UNC13A: variants seen among roughly 807,000 people sequenced by gnomAD.
UNC13A encodes protein unc-13 homolog A.
UNC13A carries 61 observed loss-of-function variants against 219.7 expected under a neutral mutation model. That is an observed-to-expected ratio of 0.28 (90% confidence interval 0.23 to 0.34). The LOEUF is 0.34. Among genes scored for constraint, UNC13A ranks in the 10% least tolerant of loss-of-function variants. The pLI is 1.00. For missense variants in UNC13A, 1,476 were observed against 2,270.3 expected (o/e 0.65, Z 7.11); for synonymous variants, 920 against 884.6 (o/e 1.04, Z -0.71).
chr19:17,672,932 C>T (rs772187123), intron 3 of UNC13A, among the ~76,000 whole-genome samples: 2 of 152,142 alleles, frequency 1.3e-5, no homozygotes, highest in East Asian at 1.9e-4. Context: ...TGTGAGGACA[C>T]GATCCCACCT....
chr19:17,625,961 A>C (rs770087700), intron 34 of UNC13A, among the ~76,000 whole-genome samples: 22 of 148,064 alleles, frequency 1.5e-4, no homozygotes, highest in Non-Finnish European at 2.1e-4. Context: ...AGCCAGCCAG[A>C]CAGACATCTA....
chr19:17,602,389 T>C lies in UNC13A; in HGVS notation c.*3665A>G, dbSNP rs1434116222. ...GTGTTTTCTACTCTATTCCTCTTGGTCAGGGGACTTTGACTCTGAGGCATC... is the reference window on the plus strand; with the variant it reads ...GTGTTTTCTACTCTATTCCTCTTGGCCAGGGGACTTTGACTCTGAGGCATC... On this transcript the variant is annotated 3_prime_UTR_variant, in exon 44 of 44. Transcript: ENST00000519716. 6.6e-6 allele frequency: 1 copy of C among 152,254 alleles called. No individual in the cohort carries two copies. The highest frequency in any genetic ancestry group is 1.5e-5 in the Non-Finnish European group (1 of 68,058). The allele number at this position is 152,254 out of a possible 1,614,324, so 9.4% of individuals were successfully genotyped here. A position where few individuals can be genotyped will look rare whatever the true frequency, so the allele number is the denominator to read the frequency against.
chr19:17,688,124 C>G, intron 1 of UNC13A, 54 bp downstream of exon 1: 1 of 1,518,956 alleles, frequency 6.6e-7, no homozygotes, highest in Non-Finnish European at 8.8e-7. Flanking sequence ...CACGCGGACC[C>G]CGACCCCAGC....
intron 2 of UNC13A, among the ~76,000 whole-genome samples, chr19:17,675,295 C>A (rs578098768): frequency 2.0e-5 from 3 of 151,822 alleles, no homozygotes; most frequent in South Asian, 2.1e-4. Context: ...GATTGCACCA[C>A]GGCACTCCAG....
Position 17,630,206 on chromosome 19 carries a change from AT to A in UNC13A, c.3607del (p.Ile1203SerfsTer16). Reference protein sequence around the residue: ...FSQLNQSFEIIKKLECPDPQI... With the variant: ...FSQLNQSFEIXKKLECPDPQI... The stretch of plus-strand genomic sequence containing the variant: ...AGGGTCGGGACACTCGAGTTTCTTG[AT>A]GATTTCAAAGCTCTGGTTGAGTTGG... On this transcript the variant is annotated frameshift_variant, in exon 30 of 44. Coordinates refer to ENST00000519716, the MANE Select transcript of UNC13A (RefSeq NM_001080421.3). LOFTEE classifies it high-confidence loss of function. 1 of 1,553,006 alleles carries A rather than the reference AT, an allele frequency of 6.4e-7. No homozygotes were observed. The highest frequency in any genetic ancestry group is 8.7e-7 in the Non-Finnish European group (1 of 1,147,654).
intron 2 of UNC13A, among the ~76,000 whole-genome samples, chr19:17,675,360 G>A (rs1031340651): frequency 2.0e-5 from 3 of 151,488 alleles, no homozygotes; most frequent in East Asian, 3.9e-4. Flanking sequence ...GGCAGGGCAC[G>A]GTAGCTCACG....
rs773900423 is a variant in UNC13A at position 17,672,370 on chromosome 19, C to T, written c.270+8G>A. The T allele has an allele frequency of 4.3e-6, 7 of 1,613,080 alleles. No individual in the cohort carries two copies. The highest frequency in any genetic ancestry group is 1.7e-4 in the Middle Eastern group (1 of 6,058). On this transcript the variant is annotated splice_region_variant and intron_variant, in intron 4 of 43. Transcript: ENST00000519716. Reference sequence around the variant, plus strand: ...TCCTTCTTCACCCTCAGGCCACCCGCCACTCACCTCATTGGACTGGCGGAT... The same window carrying T: ...TCCTTCTTCACCCTCAGGCCACCCGTCACTCACCTCATTGGACTGGCGGAT...
rs2145034656 is a variant in UNC13A, at chr19:17,639,016, A to G, written c.3081+67T>C. The G allele has an allele frequency of 2.0e-6, 3 of 1,488,374 alleles. No homozygotes were observed. In the East Asian group the frequency reaches 7.5e-5, roughly 37 times the overall value. 92.2% of individuals were successfully genotyped at this position (1,488,374 alleles called of 1,614,324 possible). A position where few individuals can be genotyped will look rare whatever the true frequency, so the allele number is the denominator to read the frequency against. On this transcript the variant is annotated intron_variant, in intron 25 of 43. Transcript: ENST00000519716. ...AGAGTTAAATCCCTCGGGAAGGGGC[A>G]GGGCTGGGACTGAAGCCTGTGTCTA...
At chr19:17,663,979 G>T (rs2079597874) in intron 7 of UNC13A, among the ~76,000 whole-genome samples, 2 of 136,410 alleles carry the variant, frequency 1.5e-5, no homozygotes, top group South Asian at 4.4e-4. Context: ...GGTTCTTGGT[G>T]GTTTTCTTTT....
chr19:17,666,881 CGAGA>C (rs10535025), intron 6 of UNC13A, among the ~76,000 whole-genome samples, 177 bp from the exon 7 acceptor site: 1,363 of 115,098 alleles, frequency 0.012, 24 homozygotes, highest in African/African-American at 0.045. Flanking sequence ...CACACACACA[CGAGA>C]GAGAGAGAGA....
At chr19:17,624,150 G>T (rs935849227) in intron 35 of UNC13A, among the ~76,000 whole-genome samples, 6 of 143,276 alleles carry the variant, frequency 4.2e-5, no homozygotes, top group Non-Finnish European at 7.6e-5. Flanking sequence ...TTTGAGAAAG[G>T]GTCTCGTTCT....
At position 17,649,124 on chromosome 19, in the gene UNC13A, CG is replaced by C; in HGVS notation, c.1525-142del. ...TTGGAAACAGGTCACCGACAGCATC[CG>C]GGCCAGACCCAACAAAGAATTAGGA... On this transcript the variant is annotated intron_variant, in intron 14 of 43. Coordinates refer to ENST00000519716, the MANE Select transcript of UNC13A (RefSeq NM_001080421.3). The surrounding 1 kb of genome is among the most constrained non-coding windows in gnomAD (Gnocchi z 4.4). 3 of 1,179,564 alleles carry C rather than the reference CG, an allele frequency of 2.5e-6. No homozygotes were observed. Among genetic ancestry groups the C allele is most frequent in the Non-Finnish European group, 3.6e-6 (3 of 834,832 alleles). 73.1% of individuals were successfully genotyped at this position (1,179,564 alleles called of 1,614,324 possible).
chr19:17,647,217 T>C, intron 17 of UNC13A, 48 bp downstream of exon 17: 1 of 1,513,190 alleles, frequency 6.6e-7, no homozygotes, highest in Non-Finnish European at 8.9e-7. Flanking sequence ...GAGACAGGTC[T>C]CAGAGGGTGG....
intron 12 of UNC13A, among the ~76,000 whole-genome samples, chr19:17,651,699 G>A (rs1161225008): frequency 6.6e-6 from 1 of 152,092 alleles, no homozygotes; most frequent in African/African-American, 2.4e-5. Flanking sequence ...TTTCTCCCGA[G>A]AGCACATCCT....
intron 28 of UNC13A, among the ~76,000 whole-genome samples, chr19:17,631,069 CTCCCTCCT>C (rs1286036076): frequency 3.9e-5 from 5 of 128,468 alleles, no homozygotes; most frequent in African/African-American, 9.3e-5. Flanking sequence ...CCCTCCCTCC[CTCCCTCCT>C]TCCTTCCTTC....
At chr19:17,672,272 T>G in intron 4 of UNC13A, 106 bp downstream of exon 4, 1 of 870,296 alleles carries the variant, frequency 1.1e-6, no homozygotes, top group Non-Finnish European at 1.8e-6. Flanking sequence ...TCTACATTGA[T>G]GTTGTCAGGG....
At chr19:17,613,697 AGTTTCTT>A (rs2076628509) in intron 41 of UNC13A, 1 of 120,108 alleles carries the variant, frequency 8.3e-6, no homozygotes, top group African/African-American at 3.1e-5. Context: ...CAGAATCTTA[AGTTTCTT>A]TTTTTTTTTT....
At position 17,604,391 on chromosome 19, in the gene UNC13A, G is replaced by C. The variant is rs1423911895; in HGVS notation, c.*1663C>G. 6.6e-6 allele frequency: 1 copy of C among 152,292 alleles called. No individual in the cohort carries two copies. The highest frequency in any genetic ancestry group is 1.5e-5 in the Non-Finnish European group (1 of 68,150). The allele number at this position is 152,292 out of a possible 1,614,324, so 9.4% of individuals were successfully genotyped here. A position where few individuals can be genotyped will look rare whatever the true frequency, so the allele number is the denominator to read the frequency against. On this transcript the variant is annotated 3_prime_UTR_variant, in exon 44 of 44. Transcript: ENST00000519716. ...GATCCCCCTTGCTGGCTCAGCTCCA[G>C]CCGTGCCACCCTTCTCGTTGTTTCA... is the stretch of plus-strand genomic sequence containing the variant.
At chr19:17,648,697 T>G (rs2079288879) in intron 15 of UNC13A, 47 bp from the exon 16 acceptor site, 1 of 1,574,982 alleles carries the variant, frequency 6.3e-7, no homozygotes, top group Non-Finnish European at 8.7e-7. Context: ...AACCTGGCGC[T>G]GTCCCTGTCC....
Sources: gnomAD v4.1 joint callset for allele counts (sites outside exome capture counted in the v4.1 genomes callset) on GRCh38, gnomAD v4.1.1 for gene constraint, Gnocchi (gnomAD v3.1) non-coding constraint, MANE v1.5 for transcripts, NCBI Gene and HGNC (gene_info 2026-07-23, HGNC 2026-07-21) for gene names.